Variants in PGK1 observed in about 807,000 individuals in gnomAD.
The protein encoded by PGK1 is phosphoglycerate kinase 1.
A neutral mutation model predicts 26.9 loss-of-function variants in PGK1; 3 were observed. That is an observed-to-expected ratio of 0.11 (90% CI 0.05 to 0.29). The LOEUF is 0.29. PGK1 is among the 10% of genes least tolerant of loss of function. The pLI, the probability that PGK1 is intolerant of heterozygous loss-of-function variation, is 1.00. For synonymous variants in PGK1, 125 were observed against 115.3 expected (o/e 1.08, Z -0.54); for missense variants, 270 against 314.7 (o/e 0.86, Z 1.07).
intron 1 of PGK1, among the ~76,000 whole-genome samples, chrX:78,105,930 T>C (rs1303250237): frequency 8.9e-6 from 1 of 111,836 alleles, no homozygotes; most frequent in Non-Finnish European, 1.9e-5. Flanking sequence ...TGCAACTAGC[T>C]TTTAGGTTTT....
intron 4 of PGK1, among the ~76,000 whole-genome samples, chrX:78,114,696 G>T (rs1221493028): frequency 9.0e-6 from 1 of 111,495 alleles, no homozygotes; most frequent in Non-Finnish European, 1.9e-5. Context: ...TTCTATAAAT[G>T]GCCAGATAGT....
chrX:78,108,142 C>CT (rs2082269098), intron 1 of PGK1, among the ~76,000 whole-genome samples: 2 of 111,219 alleles, frequency 1.8e-5, no homozygotes, highest in Non-Finnish European at 3.8e-5. Flanking sequence ...TCAACCAAGT[C>CT]TAATTCATTA....
chrX:78,104,309 C>T lies in PGK1; in HGVS notation c.-32C>T. Reference sequence around the variant, plus strand: ...CAGTCGGCTCCCTCGTTGACCGAATCACCGACCTCTCTCCCCAGCTGTATT... The same window carrying T: ...CAGTCGGCTCCCTCGTTGACCGAATTACCGACCTCTCTCCCCAGCTGTATT... On this transcript the variant is annotated 5_prime_UTR_variant, in exon 1 of 11. Transcript: ENST00000373316. 5 of 1,112,728 alleles carry T rather than the reference C, an allele frequency of 4.5e-6. No individual in the cohort carries two copies. Among genetic ancestry groups the T allele is most frequent in the East Asian group, 3.0e-5 (1 of 33,411 alleles). The allele number at this position is 1,112,728 out of a possible 1,213,427, so 91.7% of individuals were successfully genotyped here. A position where few individuals can be genotyped will look rare whatever the true frequency, so the allele number is the denominator to read the frequency against.
chrX:78,119,471 G>T (rs1265176533), intron 6 of PGK1, among the ~76,000 whole-genome samples: 1 of 111,618 alleles, frequency 9.0e-6, no homozygotes, highest in Non-Finnish European at 1.9e-5. Context: ...TATGAGCAGG[G>T]TTTTTTCCCC....
Position 78,126,041 on chromosome X carries a change from A to T in PGK1, c.*211A>T, listed in dbSNP as rs782362238. 1 of 458,434 alleles carries T rather than the reference A, an allele frequency of 2.2e-6. No homozygotes were observed. Among genetic ancestry groups the T allele is most frequent in the South Asian group, 3.2e-5 (1 of 31,426 alleles). 37.8% of individuals were successfully genotyped at this position (458,434 alleles called of 1,213,427 possible). On this transcript the variant is annotated 3_prime_UTR_variant, in exon 11 of 11. Transcript: ENST00000373316. ...ATACATTCTTCAAGATCCCATTTGA[A>T]TTTTTTAGTGACTAAACCATTGTGC...
chrX:78,124,839 G>A, intron 8 of PGK1, 35 bp from the exon 9 acceptor site: 1 of 1,170,834 alleles, frequency 8.5e-7, no homozygotes. Flanking sequence ...AGCTTTTCTT[G>A]ATAGCTCATC....
intron 1 of PGK1, among the ~76,000 whole-genome samples, chrX:78,107,965 A>G (rs1557246412): frequency 9.0e-6 from 1 of 110,678 alleles, no homozygotes; most frequent in Non-Finnish European, 1.9e-5. Context: ...AGGAAACGAA[A>G]AAAAAAAAAA....
chrX:78,109,778 T>G, intron 1 of PGK1, 89 bp from the exon 2 acceptor site: 1 of 644,532 alleles, frequency 1.6e-6, no homozygotes, highest in Non-Finnish European at 2.6e-6. Context: ...TTTGAATTTC[T>G]GACTTATTTA....
rs1197178530 is a variant in PGK1, at chrX:78,129,221, C to CTATCTATCTA, written c.*3393_*3402dup. The CTATCTATCTA allele has an allele frequency of 4.3e-4, 7 of 16,341 alleles. No homozygotes were observed. The highest frequency in any genetic ancestry group is 3.8e-3 in the African/African-American group (7 of 1,839). 1.3% of individuals were successfully genotyped at this position (16,341 alleles called of 1,213,427 possible). A position where few individuals can be genotyped will look rare whatever the true frequency, so the allele number is the denominator to read the frequency against. ...ATAAAGAGCATACCCATGTGTGTAC[C>CTATCTATCTA]TATCTATCTATCTATCTATCTATCT... On this transcript the variant is annotated 3_prime_UTR_variant, in exon 11 of 11. Coordinates refer to ENST00000373316, the MANE Select transcript of PGK1 (RefSeq NM_000291.4).
chrX:78,108,811 A>G (rs1339350685), intron 1 of PGK1, among the ~76,000 whole-genome samples: 2 of 112,153 alleles, frequency 1.8e-5, no homozygotes, highest in African/African-American at 3.2e-5. Context: ...ACAGAATTAC[A>G]TTTTGGAGAA....
At chrX:78,119,590 C>A (rs782740240) in intron 6 of PGK1, among the ~76,000 whole-genome samples, 1 of 111,924 alleles carries the variant, frequency 8.9e-6, no homozygotes, top group South Asian at 3.7e-4. Context: ...CCACCCAAAT[C>A]TCATCTCGAA....
intron 6 of PGK1, among the ~76,000 whole-genome samples, chrX:78,119,938 C>T (rs1332252782): frequency 8.9e-6 from 1 of 111,845 alleles, no homozygotes; most frequent in Non-Finnish European, 1.9e-5. Flanking sequence ...CAGGTAGATA[C>T]AGGTTGTTGT....
At position 78,123,221 on chromosome X, in the gene PGK1, G is replaced by C; in HGVS notation, c.783G>C (p.Glu261Asp). 1 of 1,204,564 alleles carries C rather than the reference G, an allele frequency of 8.3e-7. No homozygotes were observed. Among genetic ancestry groups the C allele is most frequent in the Admixed American group, 2.2e-5 (1 of 45,639 alleles). Residue 261 changes from glutamate (E) to aspartate (D), a missense_variant, in exon 8 of 11, where the codon GAG (glutamate) becomes GAC (aspartate). Transcript: ENST00000373316. ...MEIGTSLFDE[E>D]GAKIVKDLMS... is the part of the protein sequence containing the mutation. ...TTGGCACTTCTCTGTTTGATGAAGAGGGAGCCAAGATTGTCAAAGACCTAA... is the reference window on the plus strand; with the variant it reads ...TTGGCACTTCTCTGTTTGATGAAGACGGAGCCAAGATTGTCAAAGACCTAA...
At chrX:78,124,115 A>G in intron 8 of PGK1, among the ~76,000 whole-genome samples, 1 of 111,750 alleles carries the variant, frequency 8.9e-6, no homozygotes, top group Non-Finnish European at 1.9e-5. Context: ...ATTAAAGACT[A>G]ATATAGTTGA....
chrX:78,124,737 G>A (rs1557248437), intron 8 of PGK1, 137 bp from the exon 9 acceptor site: 2 of 543,733 alleles, frequency 3.7e-6, no homozygotes, highest in Non-Finnish European at 6.5e-6. Context: ...GGCATGAACA[G>A]GTTTATAAAG....
chrX:78,106,975 C>T (rs2078275556), intron 1 of PGK1, among the ~76,000 whole-genome samples: 1 of 110,621 alleles, frequency 9.0e-6, no homozygotes, highest in Admixed American at 9.7e-5. Flanking sequence ...GAGAAAAAGT[C>T]ACTAAGACAC....
intron 9 of PGK1, 64 bp from the exon 10 acceptor site, chrX:78,125,263 T>A: frequency 1.1e-6 from 1 of 915,867 alleles, no homozygotes; most frequent in South Asian, 2.0e-5. Context: ...CCTTACAGTT[T>A]TGGTGCCAAT....
chrX:78,110,637 T>A (rs932435004), intron 2 of PGK1, among the ~76,000 whole-genome samples: 3 of 110,087 alleles, frequency 2.7e-5, no homozygotes, highest in Non-Finnish European at 5.7e-5. Flanking sequence ...TATAAAAATT[T>A]AAGGTTACTT....
chrX:78,107,388 A>G (rs1221898357), intron 1 of PGK1, among the ~76,000 whole-genome samples: 1 of 111,515 alleles, frequency 9.0e-6, no homozygotes, highest in African/African-American at 3.3e-5. Flanking sequence ...ACCTCTTTAT[A>G]ATAATAACCA....
Sources: allele counts gnomAD v4.1 joint callset (sites outside exome capture counted in the v4.1 genomes callset), GRCh38; gene constraint gnomAD v4.1.1; transcripts MANE v1.5; gene names NCBI Gene and HGNC (gene_info 2026-07-23, HGNC 2026-07-21).